ZNF423: variants seen among roughly 807,000 people sequenced by gnomAD.
ZNF423 encodes the protein zinc finger protein 423.
In ZNF423, 12 loss-of-function variants were observed where a neutral mutation model predicts 95.8. That is an observed-to-expected ratio of 0.13 (90% confidence interval 0.08 to 0.20). The LOEUF (loss-of-function observed/expected upper bound fraction) is 0.20. ZNF423 is among the 10% of genes least tolerant of loss of function. The pLI, the probability that ZNF423 is intolerant of heterozygous loss-of-function variation, is 1.00. For missense variants in ZNF423, 1,316 were observed against 1,737.1 expected (o/e 0.76, Z 4.31); for synonymous variants, 749 against 711.9 (o/e 1.05, Z -0.83).
chr16:49,645,025 C>CAAT (rs1383151318), intron 3 of ZNF423, among the ~76,000 whole-genome samples: 1 of 152,156 alleles, frequency 6.6e-6, no homozygotes, highest in African/African-American at 2.4e-5. Flanking sequence ...TCACCTTGTA[C>CAAT]AATACTCCAA....
intron 2 of ZNF423, among the ~76,000 whole-genome samples, chr16:49,783,743 T>C (rs1414596398): frequency 2.6e-5 from 4 of 151,964 alleles, no homozygotes; most frequent in Non-Finnish European, 4.4e-5. Flanking sequence ...AGGCTGACGC[T>C]TGCAGATCAC....
Position 49,558,519 on chromosome 16 carries a change from T to C in ZNF423, c.3602-33025A>G, listed in dbSNP as rs541249711. 2.6e-5 allele frequency among the ~76,000 whole-genome samples: 4 copies of C among 152,288 alleles called. No homozygotes were observed. In the East Asian group the frequency reaches 7.7e-4, roughly 29 times the overall value. ...AAGTGGCTGTAGGGGCCCTCCCCAG[T>C]GTGCAGGAGAAATCATGTCCTTTGC... On this transcript the variant is annotated intron_variant, in intron 5 of 7. Coordinates refer to ENST00000563137, the MANE Select transcript of ZNF423 (RefSeq NM_001379286.1).
chr16:49,821,099 A>G (rs993462948), intron 1 of ZNF423, among the ~76,000 whole-genome samples: 4 of 152,180 alleles, frequency 2.6e-5, no homozygotes, highest in Non-Finnish European at 4.4e-5. Context: ...TTCACTTTCA[A>G]AGCCACTTTT....
At chr16:49,579,084 C>T (rs954270852) in intron 5 of ZNF423, among the ~76,000 whole-genome samples, 1 of 152,148 alleles carries the variant, frequency 6.6e-6, no homozygotes, top group Admixed American at 6.5e-5. Flanking sequence ...GGGAGAGACA[C>T]AGATGGATGG....
intron 5 of ZNF423, among the ~76,000 whole-genome samples, chr16:49,610,983 A>G (rs1475526163): frequency 6.6e-6 from 1 of 152,114 alleles, no homozygotes; most frequent in Non-Finnish European, 1.5e-5. Flanking sequence ...TATGCACCAA[A>G]CAACAGAGCT....
At chr16:49,506,445 G>GGATGACAGATTGATGGGTA (rs1967643941) in intron 7 of ZNF423, among the ~76,000 whole-genome samples, 1 of 151,320 alleles carries the variant, frequency 6.6e-6, no homozygotes, top group Non-Finnish European at 1.5e-5. Context: ...AGGAGTGGGT[G>GGATGACAGATTGATGGGTA]GATGACAGAT....
chr16:49,693,575 G>A (rs1017387518), intron 3 of ZNF423, among the ~76,000 whole-genome samples: 2 of 152,168 alleles, frequency 1.3e-5, no homozygotes, highest in Non-Finnish European at 2.9e-5. Flanking sequence ...TGTGATTCAG[G>A]TACTTCAAGC....
At chr16:49,605,897 G>C (rs1046893320) in intron 5 of ZNF423, among the ~76,000 whole-genome samples, 3 of 152,214 alleles carry the variant, frequency 2.0e-5, no homozygotes, top group Admixed American at 2.0e-4. Context: ...ACAAGGAGCA[G>C]ATTCCCGGGA....
intron 1 of ZNF423, among the ~76,000 whole-genome samples, chr16:49,817,091 G>A (rs2034867236): frequency 6.6e-6 from 1 of 152,184 alleles, no homozygotes; most frequent in Non-Finnish European, 1.5e-5. Context: ...CAGCAGAGAA[G>A]CATCGCCACA....
intron 1 of ZNF423, among the ~76,000 whole-genome samples, chr16:49,836,084 G>A (rs2035116578): frequency 6.6e-6 from 1 of 152,194 alleles, no homozygotes; most frequent in Non-Finnish European, 1.5e-5. Flanking sequence ...CTGGGGCCTT[G>A]TGGGGAAAAC....
chr16:49,755,827 G>A (rs950352279), intron 2 of ZNF423, among the ~76,000 whole-genome samples: 5 of 152,168 alleles, frequency 3.3e-5, no homozygotes, highest in South Asian at 2.1e-4. Context: ...ATGCCCAAAG[G>A]ACTTCAGGTC....
rs753236285 is a variant in ZNF423, at chr16:49,730,941, T to C, written c.131A>G (p.Gln44Arg). 1.2e-6 allele frequency: 2 copies of C among 1,614,250 alleles called. No homozygotes were observed. The highest frequency in any genetic ancestry group is 2.7e-5 in the African/African-American group (2 of 75,062). Residue 44 changes from glutamine to arginine, a missense_variant, in exon 3 of 8, where the codon CAG (glutamine) becomes CGG (arginine). This residue lies in a region of ZNF423 where 155 missense variants were observed against 170.8 expected (regional missense o/e 0.91). Transcript: ENST00000563137. ...GGLEGEPECD[Q>R]KTSRALEDRN... ...GTCTTCCAGCGCACGGCTGGTTTTC[T>C]GATCGCACTCTGGCTCTCCTTCTAG...
intron 1 of ZNF423, chr16:49,853,810 T>C (rs1192179049): frequency 3.0e-6 from 3 of 985,278 alleles, no homozygotes; most frequent in African/African-American, 1.7e-5. Context: ...CACTGCAAAC[T>C]GCTCTCCTTT....
chr16:49,834,644 C>T (rs1210333556), intron 1 of ZNF423, among the ~76,000 whole-genome samples: 1 of 152,166 alleles, frequency 6.6e-6, no homozygotes, highest in Admixed American at 6.5e-5. Context: ...GCAGGGCTTC[C>T]CAGGGGCCCG....
At chr16:49,774,280 T>G (rs1056496371) in intron 2 of ZNF423, among the ~76,000 whole-genome samples, 1 of 152,028 alleles carries the variant, frequency 6.6e-6, no homozygotes, top group African/African-American at 2.4e-5. Context: ...TCCACCCAGA[T>G]GGAAAGTCCC....
At chr16:49,588,448 TC>T (rs1453183473) in intron 5 of ZNF423, among the ~76,000 whole-genome samples, 1 of 152,200 alleles carries the variant, frequency 6.6e-6, no homozygotes, top group African/African-American at 2.4e-5. Context: ...AAAACTGGAT[TC>T]TTCTCCCTTT....
intron 3 of ZNF423, among the ~76,000 whole-genome samples, chr16:49,712,302 G>A (rs769383056): frequency 1.4e-4 from 21 of 152,210 alleles, no homozygotes; most frequent in African/African-American, 4.6e-4. Context: ...GCTAATGCAC[G>A]GTGGGGCTCG....
intron 3 of ZNF423, among the ~76,000 whole-genome samples, chr16:49,653,727 G>A (rs1290430050): frequency 6.6e-6 from 1 of 152,174 alleles, no homozygotes; most frequent in Non-Finnish European, 1.5e-5. Flanking sequence ...CTGCCACTGT[G>A]GCATGCCAAA....
At chr16:49,819,096 C>CA (rs1396401871) in intron 1 of ZNF423, among the ~76,000 whole-genome samples, 2 of 151,128 alleles carry the variant, frequency 1.3e-5, no homozygotes, top group East Asian at 4.0e-4. Context: ...ACTAAAAATA[C>CA]AAAAAAATTA....
Sources: gnomAD v4.1 joint callset for allele counts (sites outside exome capture counted in the v4.1 genomes callset) on GRCh38, gnomAD v4.1.1 for gene constraint, gnomAD v4.1.1 regional missense constraint, MANE v1.5 for transcripts, NCBI Gene and HGNC (gene_info 2026-07-23, HGNC 2026-07-21) for gene names.